Variants in CNTNAP4 observed in about 807,000 individuals in gnomAD.
CNTNAP4 encodes contactin-associated protein-like 4.
A neutral mutation model predicts 148.4 loss-of-function variants in CNTNAP4; 98 were observed. That is an observed-to-expected ratio of 0.66 (90% CI 0.56 to 0.78). The LOEUF (loss-of-function observed/expected upper bound fraction) is 0.78. CNTNAP4 is among the 30% of genes least tolerant of loss of function. The probability of loss-of-function intolerance (pLI) is 0.00; values close to 1 mark genes in which losing one functional copy is unlikely to be tolerated. For missense variants in CNTNAP4, 1,935 were observed against 1,565.6 expected (o/e 1.24, Z -3.98); for synonymous variants, 730 against 565.1 (o/e 1.29, Z -4.14).
At chr16:76,425,822 T>G (rs1170474190) in intron 3 of CNTNAP4, among the ~76,000 whole-genome samples, 3 of 152,158 alleles carry the variant, frequency 2.0e-5, no homozygotes, top group Admixed American at 6.5e-5. Flanking sequence ...TGCTAAAGAC[T>G]GTGTTTGAAT....
chr16:76,450,720 A>G (rs964134335), intron 7 of CNTNAP4, among the ~76,000 whole-genome samples: 5 of 152,240 alleles, frequency 3.3e-5, no homozygotes, highest in Admixed American at 6.5e-5. Flanking sequence ...CCAAATGGCA[A>G]TGTTGGTCAG....
intron 3 of CNTNAP4, among the ~76,000 whole-genome samples, chr16:76,379,733 A>T (rs753078182): frequency 6.6e-6 from 1 of 152,218 alleles, no homozygotes. Flanking sequence ...TTAGGTGTAC[A>T]CATCAGTTTC....
At chr16:76,432,723 T>C (rs2145085967) in intron 4 of CNTNAP4, among the ~76,000 whole-genome samples, 1 of 152,310 alleles carries the variant, frequency 6.6e-6, no homozygotes, top group South Asian at 2.1e-4. Flanking sequence ...GTGGATGAAT[T>C]GCTGAGGCAG....
chr16:76,539,926 A>C lies in CNTNAP4; in HGVS notation c.3354+74A>C, dbSNP rs185278308. 575 of 1,109,154 alleles carry C rather than the reference A, an allele frequency of 5.2e-4. 5 individuals are homozygous for C. The highest frequency in any genetic ancestry group is 3.2e-3 in the South Asian group (198 of 61,060). The allele number at this position is 1,109,154 out of a possible 1,614,324, so 68.7% of individuals were successfully genotyped here. On this transcript the variant is annotated intron_variant, in intron 20 of 23. Coordinates refer to ENST00000611870, the MANE Select transcript of CNTNAP4 (RefSeq NM_033401.5). ...ATGAAGGATCTCAAGCAGAAATTTG[A>C]TAATGAACACAATAAGCAGAGACAC...
At chr16:76,484,874 GTC>G (rs1226263417) in intron 12 of CNTNAP4, among the ~76,000 whole-genome samples, 2 of 152,158 alleles carry the variant, frequency 1.3e-5, no homozygotes, top group Non-Finnish European at 2.9e-5. Context: ...GCAAATATGT[GTC>G]TTATTAAAAA....
chr16:76,293,075 C>T (rs1433452415), intron 1 of CNTNAP4, among the ~76,000 whole-genome samples: 1 of 152,122 alleles, frequency 6.6e-6, no homozygotes, highest in Non-Finnish European at 1.5e-5. Context: ...CCTGTATAGC[C>T]CAGCTCTCTT....
intron 2 of CNTNAP4, among the ~76,000 whole-genome samples, chr16:76,339,265 T>A (rs1964271063): frequency 6.6e-6 from 1 of 152,182 alleles, no homozygotes; most frequent in Non-Finnish European, 1.5e-5. Context: ...ATTGGAAATG[T>A]CTTAAAGTGC....
chr16:76,319,109 G>C (rs1025786996), intron 2 of CNTNAP4, among the ~76,000 whole-genome samples: 11 of 152,086 alleles, frequency 7.2e-5, no homozygotes, highest in African/African-American at 2.7e-4. Flanking sequence ...GGCTACCATT[G>C]CTACTAAAAG....
chr16:76,323,913 A>G (rs1485583036), intron 2 of CNTNAP4, among the ~76,000 whole-genome samples: 1 of 152,236 alleles, frequency 6.6e-6, no homozygotes, highest in Admixed American at 6.5e-5. Flanking sequence ...TAAGGAAATG[A>G]CATTACCTCT....
At position 76,380,571 on chromosome 16, in the gene CNTNAP4, G is replaced by A. The variant is rs558580055; in HGVS notation, c.390+25060G>A. 1.2e-4 allele frequency among the ~76,000 whole-genome samples: 18 copies of A among 152,230 alleles called. No individual in the cohort carries two copies. In the South Asian group the frequency reaches 3.1e-3, roughly 26 times the overall value. ...TTACTTGAATAGATTCAAGCGAAGT[G>A]TAACAATAAGATGACTAAGACATGG... On this transcript the variant is annotated intron_variant, in intron 3 of 23. Transcript: ENST00000611870.
chr16:76,455,918 T>C (rs959380118), intron 8 of CNTNAP4, among the ~76,000 whole-genome samples: 3 of 152,244 alleles, frequency 2.0e-5, no homozygotes, highest in Non-Finnish European at 4.4e-5. Flanking sequence ...GAAGACGATC[T>C]GTAGAATGGA....
chr16:76,286,905 C>G (rs950598269), intron 1 of CNTNAP4, among the ~76,000 whole-genome samples: 5 of 152,136 alleles, frequency 3.3e-5, no homozygotes. Flanking sequence ...AAAAGCAATT[C>G]TATCTAAATT....
chr16:76,296,293 C>T (rs916655381), intron 1 of CNTNAP4, among the ~76,000 whole-genome samples: 1 of 152,102 alleles, frequency 6.6e-6, no homozygotes, highest in Non-Finnish European at 1.5e-5. Context: ...ATAATGTTTT[C>T]CTGCCTTCCA....
Position 76,498,552 on chromosome 16 carries a change from G to C in CNTNAP4, c.2238-15G>C. On this transcript the variant is annotated splice_polypyrimidine_tract_variant and intron_variant, in intron 14 of 23. Coordinates refer to ENST00000611870, the MANE Select transcript of CNTNAP4 (RefSeq NM_033401.5). ...AAAAGTTCTTAAGAATTTTGTTGTT[G>C]CTATTGTTTTTTAGGACCAATGACA... 1 of 1,599,554 alleles carries C rather than the reference G, an allele frequency of 6.3e-7. No homozygotes were observed. Among genetic ancestry groups the C allele is most frequent in the Non-Finnish European group, 8.5e-7 (1 of 1,174,604 alleles).
intron 3 of CNTNAP4, among the ~76,000 whole-genome samples, chr16:76,405,821 T>G (rs1219179763): frequency 1.3e-5 from 2 of 152,140 alleles, no homozygotes; most frequent in Non-Finnish European, 2.9e-5. Context: ...TCTCCTTTTT[T>G]TTTTACATAG....
At chr16:76,379,938 A>G (rs1170698538) in intron 3 of CNTNAP4, among the ~76,000 whole-genome samples, 3 of 151,576 alleles carry the variant, frequency 2.0e-5, no homozygotes, top group African/African-American at 7.3e-5. Context: ...GTGGATCTTC[A>G]TGACCTCAGG....
chr16:76,326,285 TC>T (rs1962966980), intron 2 of CNTNAP4, among the ~76,000 whole-genome samples: 1 of 152,096 alleles, frequency 6.6e-6, no homozygotes, highest in South Asian at 2.1e-4. Flanking sequence ...TGAGAATGCC[TC>T]CCCTCAGCTG....
At chr16:76,482,757 A>T (rs1295173598) in intron 12 of CNTNAP4, among the ~76,000 whole-genome samples, 1 of 152,222 alleles carries the variant, frequency 6.6e-6, no homozygotes, top group Non-Finnish European at 1.5e-5. Context: ...CCGCCTGTGC[A>T]GTACAAATGC....
intron 3 of CNTNAP4, among the ~76,000 whole-genome samples, chr16:76,392,423 A>C (rs1479461761): frequency 6.6e-6 from 1 of 152,242 alleles, no homozygotes; most frequent in Non-Finnish European, 1.5e-5. Flanking sequence ...AGTATCTAGC[A>C]TGAGTCCTAA....
Sources: gnomAD v4.1 joint callset for allele counts (sites outside exome capture counted in the v4.1 genomes callset) on GRCh38, gnomAD v4.1.1 for gene constraint, MANE v1.5 for transcripts, NCBI Gene and HGNC (gene_info 2026-07-23, HGNC 2026-07-21) for gene names.